SDR9C7: variants seen among roughly 807,000 people sequenced by gnomAD.
The protein encoded by SDR9C7 is short chain dehydrogenase/reductase family 9C member 7.
SDR9C7 carries 11 observed loss-of-function variants against 23.6 expected under a neutral mutation model. The ratio of observed to expected loss-of-function variants is 0.47; its 90% confidence interval spans 0.29 to 0.77. SDR9C7 has a LOEUF of 0.77. Ranked by LOEUF, SDR9C7 falls within the 30% of genes least tolerant of loss-of-function variation. The probability of loss-of-function intolerance (pLI) is 0.09; values close to 1 mark genes in which losing one functional copy is unlikely to be tolerated. For synonymous variants in SDR9C7, 167 were observed against 157.3 expected, an observed-to-expected ratio of 1.06 and a Z score of -0.46; for missense variants, 387 against 407.1, an observed-to-expected ratio of 0.95 and a Z score of 0.42.
At position 56,930,387 on chromosome 12, in the gene SDR9C7, G is replaced by T; in HGVS notation, c.399C>A (p.Asn133Lys). 6.2e-7 allele frequency: 1 copy of T among 1,614,144 alleles called. No individual in the cohort carries two copies. The highest frequency in any genetic ancestry group is 8.5e-7 in the Non-Finnish European group (1 of 1,180,040). ...KDDFVKVINV[N>K]LVGLIEVTLH... is the part of the protein sequence containing the mutation. Reference sequence around the variant, plus strand: ...GGGTCACTTCGATCAGTCCCACCAGGTTCACATTAATCACCTTCACAAAGT... The same window carrying T: ...GGGTCACTTCGATCAGTCCCACCAGTTTCACATTAATCACCTTCACAAAGT... Residue 133 changes from asparagine (N) to lysine (K), a missense_variant, in exon 2 of 4, where the codon AAC (asparagine) becomes AAA (lysine). By Grantham distance (94) the Asn-to-Lys change is moderately conservative. Transcript: ENST00000293502.
In SDR9C7 at chr12:56,930,476, C is replaced by T; in HGVS notation, c.310G>A (p.Ala104Thr). The part of the protein sequence containing the change: ...RDKVGEQGLW[A>T]LVNNAGVGLP... ...CCCACACCAGCATTGTTCACCAGGG[C>T]CCAGAGGCCTGGGGGTGAGATGAAC... is the stretch of plus-strand genomic sequence containing the variant. Residue 104 changes from alanine to threonine, a missense_variant, in exon 2 of 4, where the codon GCC (alanine) becomes ACC (threonine). By Grantham distance (58) the Ala-to-Thr change is moderately conservative. Transcript: ENST00000293502. 3 of 1,614,046 alleles carry T rather than the reference C, an allele frequency of 1.9e-6. No individual in the cohort carries two copies. The highest frequency in any genetic ancestry group is 2.2e-5 in the East Asian group (1 of 44,892).
intron 1 of SDR9C7, among the ~76,000 whole-genome samples, chr12:56,933,322 T>TA (rs1955778755): frequency 6.6e-6 from 1 of 152,202 alleles, no homozygotes; most frequent in African/African-American, 2.4e-5. Context: ...AGCTGATGGT[T>TA]AGGACTGCTG....
At position 56,934,004 on chromosome 12, in the gene SDR9C7, G is replaced by C; in HGVS notation, c.258C>G (p.Ile86Met). 1 of 1,613,002 alleles carries C rather than the reference G, an allele frequency of 6.2e-7. No individual in the cohort carries two copies. The highest frequency in any genetic ancestry group is 8.5e-7 in the Non-Finnish European group (1 of 1,179,020). ...CCCTCACCCACTGGGCCGCCGCCTT[G>C]ATGCTTTCGCTCTTGGTGACATCCA... ...TLLDVTKSES[I>M]KAAAQWVRDK... Residue 86 changes from isoleucine to methionine, a missense_variant, in exon 1 of 4, where the codon ATC (isoleucine) becomes ATG (methionine). Physicochemically the swap from Ile to Met is conservative, Grantham distance 10. Transcript: ENST00000293502.
rs1176880272 is a variant in SDR9C7, at chr12:56,923,931, C to T, written c.844G>A (p.Asp282Asn). The change falls in exon 4 of 4, where the codon GAT (aspartate) becomes AAT (asparagine). Residue 282 changes from aspartate to asparagine, a missense_variant. Transcript: ENST00000293502. ...SPRIRYNPGL[D>N]AKLLYIPLAK... ...AGAGGGATGTAGAGGAGTTTGGCATCCAGGCCAGGGTTGTAGCGGATGCGA... is the reference window on the plus strand; with the variant it reads ...AGAGGGATGTAGAGGAGTTTGGCATTCAGGCCAGGGTTGTAGCGGATGCGA... The T allele has an allele frequency of 6.2e-7, 1 of 1,614,038 alleles. No individual in the cohort carries two copies. Among genetic ancestry groups the T allele is most frequent in the Non-Finnish European group, 8.5e-7 (1 of 1,180,018 alleles).
At chr12:56,926,287 C>A (rs922526733) in intron 3 of SDR9C7, among the ~76,000 whole-genome samples, 2 of 152,210 alleles carry the variant, frequency 1.3e-5, no homozygotes, top group Non-Finnish European at 1.5e-5. Flanking sequence ...TAGCCACCCC[C>A]CACCACCAGA....
intron 3 of SDR9C7, among the ~76,000 whole-genome samples, chr12:56,928,304 A>G (rs1351712903): frequency 1.3e-5 from 2 of 151,950 alleles, no homozygotes; most frequent in East Asian, 3.9e-4. Flanking sequence ...GTCCCTACGC[A>G]TCCCCTCTTT....
At chr12:56,929,658 C>A in intron 2 of SDR9C7, 105 bp from the exon 3 acceptor site, 1 of 1,310,630 alleles carries the variant, frequency 7.6e-7, no homozygotes, top group Non-Finnish European at 1.1e-6. Flanking sequence ...ATGCTTCTCT[C>A]ACCCCTGTAC....
Position 56,923,651 on chromosome 12 carries a change from G to T in SDR9C7, c.*182C>A, listed in dbSNP as rs1955712682. 3 of 536,592 alleles carry T rather than the reference G, an allele frequency of 5.6e-6. No individual in the cohort carries two copies. The East Asian group carries it at 9.1e-5, about 16-fold the overall frequency. The allele number at this position is 536,592 out of a possible 1,614,324, so 33.2% of individuals were successfully genotyped here. A position where few individuals can be genotyped will look rare whatever the true frequency, so the allele number is the denominator to read the frequency against. ...AGGTTTCTGTGGGGTCCCAGAGGGT[G>T]GGAAGAGGCATTCACCTTCTGTTAG... On this transcript the variant is annotated 3_prime_UTR_variant, in exon 4 of 4. Coordinates refer to ENST00000293502, the MANE Select transcript of SDR9C7 (RefSeq NM_148897.3).
chr12:56,929,391 G>T lies in SDR9C7; in HGVS notation c.723C>A (p.Ile241=). ...RDSYGEDYFR[I]YTDKLKNIMQ... ...CCCTCTCCTGCCCCAGGAACTTACA[G>T]ATGCGGAAATAATCCTCTCCGTAGC... Residue 241 remains isoleucine (I), a splice_region_variant and synonymous_variant, in exon 3 of 4, where the codon ATC becomes ATA. Coordinates refer to ENST00000293502, the MANE Select transcript of SDR9C7 (RefSeq NM_148897.3). The T allele has an allele frequency of 2.5e-6, 4 of 1,596,040 alleles. No homozygotes were observed. The South Asian group carries it at 4.4e-5, about 18-fold the overall frequency.
Position 56,929,502 on chromosome 12 carries a change from G to A in SDR9C7, c.612C>T (p.Asn204=), listed in dbSNP as rs752491049. 6.2e-7 allele frequency: 1 copy of A among 1,613,312 alleles called. No individual in the cohort carries two copies. Among genetic ancestry groups the A allele is most frequent in the South Asian group, 1.1e-5 (1 of 91,068 alleles). The change falls in exon 3 of 4, where the codon AAC becomes AAT. Residue 204 remains asparagine, a synonymous_variant. Transcript: ENST00000293502. The stretch of plus-strand genomic sequence containing the variant: ...CCTTGCCGAGAATGGCTGTCCGATA[G>A]TTCCCTGGCTCAATGATGCAGACTT... ...GVKVCIIEPG[N]YRTAILGKEN... is the part of the protein sequence containing the mutation.
intron 3 of SDR9C7, 69 bp from the exon 4 acceptor site, chr12:56,924,119 A>T (rs7314055): frequency 1.8e-6 from 2 of 1,118,434 alleles, no homozygotes; most frequent in African/African-American, 1.5e-5. Flanking sequence ...TCCGAATTCC[A>T]TCCAAGTTCC....
intron 1 of SDR9C7, 52 bp from the exon 2 acceptor site, chr12:56,930,536 C>A: frequency 3.1e-6 from 5 of 1,593,568 alleles, no homozygotes; most frequent in Non-Finnish European, 4.3e-6. Flanking sequence ...GGGAAAGAAC[C>A]AAGTTCTGCT....
Position 56,933,988 on chromosome 12 carries a change from A to T in SDR9C7, c.274T>A (p.Trp92Arg). ...KSESIKAAAQWVRDKVGEQGL... is the reference protein window; with the variant it reads ...KSESIKAAAQRVRDKVGEQGL... ...TGTTCGCCCACTTTGTCCCTCACCC[A>T]CTGGGCCGCCGCCTTGATGCTTTCG... The change falls in exon 1 of 4, where the codon TGG becomes AGG. Residue 92 changes from tryptophan (W) to arginine (R), a missense_variant. Physicochemically the swap from Trp to Arg is moderately radical, Grantham distance 101. Coordinates refer to ENST00000293502, the MANE Select transcript of SDR9C7 (RefSeq NM_148897.3). The T allele has an allele frequency of 6.2e-7, 1 of 1,610,316 alleles. No homozygotes were observed. The highest frequency in any genetic ancestry group is 8.5e-7 in the Non-Finnish European group (1 of 1,176,786).
At position 56,930,391 on chromosome 12, in the gene SDR9C7, A is replaced by G. The variant is rs199715704; in HGVS notation, c.395T>C (p.Val132Ala). 56 of 1,614,022 alleles carry G rather than the reference A, an allele frequency of 3.5e-5. No individual in the cohort carries two copies. The highest frequency in any genetic ancestry group is 4.4e-5 in the Non-Finnish European group (52 of 1,180,036). Residue 132 changes from valine to alanine, a missense_variant, in exon 2 of 4, where the codon GTG becomes GCG. Coordinates refer to ENST00000293502, the MANE Select transcript of SDR9C7 (RefSeq NM_148897.3). ...TKDDFVKVIN[V>A]NLVGLIEVTL... ...CACTTCGATCAGTCCCACCAGGTTC[A>G]CATTAATCACCTTCACAAAGTCATC...
At chr12:56,928,424 C>G (rs1955748158) in intron 3 of SDR9C7, among the ~76,000 whole-genome samples, 1 of 152,192 alleles carries the variant, frequency 6.6e-6, no homozygotes, top group Non-Finnish European at 1.5e-5. Flanking sequence ...ATTCTTCTTT[C>G]ACAACCCTGT....
chr12:56,928,427 A>C (rs1313536172), intron 3 of SDR9C7, among the ~76,000 whole-genome samples: 1 of 152,102 alleles, frequency 6.6e-6, no homozygotes. Context: ...CTTCTTTCAC[A>C]ACCCTGTTTC....
Position 56,929,522 on chromosome 12 carries a change from A to C in SDR9C7, c.592T>G (p.Cys198Gly). 6.2e-7 allele frequency: 1 copy of C among 1,611,860 alleles called. No individual in the cohort carries two copies. The highest frequency in any genetic ancestry group is 8.5e-7 in the Non-Finnish European group (1 of 1,178,084). The change falls in exon 3 of 4, where the codon TGC (cysteine) becomes GGC (glycine). Residue 198 changes from cysteine (C) to glycine (G), a missense_variant. Physicochemically the swap from Cys to Gly is radical, Grantham distance 159. Coordinates refer to ENST00000293502, the MANE Select transcript of SDR9C7 (RefSeq NM_148897.3). The stretch of plus-strand genomic sequence containing the variant: ...CGATAGTTCCCTGGCTCAATGATGC[A>C]GACTTTCACCCCAAAGTAGTAGAGC... ...RELYYFGVKVCIIEPGNYRTA... is the reference protein window; with the variant it reads ...RELYYFGVKVGIIEPGNYRTA...
chr12:56,928,308 CCT>C lies in SDR9C7; in HGVS notation c.724+1080_724+1081del, dbSNP rs377025083. On this transcript the variant is annotated intron_variant, in intron 3 of 3. Coordinates refer to ENST00000293502, the MANE Select transcript of SDR9C7 (RefSeq NM_148897.3). ...GCAGAAAAAAAGTCCCTACGCATCCCCTCTTTCCCCTTCCCAGCAACACCTAA... is the reference window on the plus strand; with the variant it reads ...GCAGAAAAAAAGTCCCTACGCATCCCCTTTCCCCTTCCCAGCAACACCTAA... Among the ~76,000 whole-genome samples, 353 of 152,268 alleles carry C rather than the reference CCT, an allele frequency of 2.3e-3. 1 individual carries two copies. Among genetic ancestry groups the C allele is most frequent in the African/African-American group, 8.3e-3 (345 of 41,546 alleles).
At chr12:56,930,811 C>A (rs1048924396) in intron 1 of SDR9C7, among the ~76,000 whole-genome samples, 12 of 152,224 alleles carry the variant, frequency 7.9e-5, no homozygotes, top group Non-Finnish European at 1.2e-4. Flanking sequence ...ATCCCTTCCC[C>A]ATCATACTTC....
Sources: allele counts gnomAD v4.1 joint callset (sites outside exome capture counted in the v4.1 genomes callset), GRCh38; gene constraint gnomAD v4.1.1; transcripts MANE v1.5; gene names NCBI Gene and HGNC (gene_info 2026-07-23, HGNC 2026-07-21).